The following PCBP3 variants were observed in gnomAD, a reference collection of about 807,000 sequenced individuals.
PCBP3 encodes the protein poly(rC) binding protein 3, also known as poly(rC)-binding protein 3.
PCBP3 carries 25 observed loss-of-function variants against 52.7 expected under a neutral mutation model. That is an observed-to-expected ratio of 0.47 (90% CI 0.35 to 0.66). The LOEUF (loss-of-function observed/expected upper bound fraction) is 0.66, where lower values mean the gene tolerates loss of function less well. Among genes scored for constraint, PCBP3 ranks in the 30% least tolerant of loss-of-function variants. PCBP3 has a pLI of 0.01. For missense variants in PCBP3, 391 were observed against 490.3 expected (o/e 0.80, Z 1.91); for synonymous variants, 162 against 183.0 (o/e 0.89, Z 0.93).
chr21:45,845,579 CGT>C (rs888485410), intron 4 of PCBP3, among the ~76,000 whole-genome samples: 2 of 131,896 alleles, frequency 1.5e-5, no homozygotes, highest in Non-Finnish European at 3.2e-5. Flanking sequence ...CGTGTGCACA[CGT>C]GTGAGTGTGT....
chr21:45,707,465 G>A (rs2083528575), intron 2 of PCBP3, among the ~76,000 whole-genome samples: 1 of 152,162 alleles, frequency 6.6e-6, no homozygotes, highest in Non-Finnish European at 1.5e-5. Context: ...GCAGTGAGCT[G>A]AGATCATGCC....
intron 14 of PCBP3, among the ~76,000 whole-genome samples, 171 bp from the exon 15 acceptor site, chr21:45,930,615 G>A (rs772191070): frequency 7.2e-5 from 11 of 152,038 alleles, no homozygotes; most frequent in Non-Finnish European, 1.0e-4. Context: ...TCCCCCTGGC[G>A]TGCCTGGCAG....
chr21:45,873,032 C>T (rs545268476), intron 5 of PCBP3: 70 of 152,250 alleles, frequency 4.6e-4, no homozygotes, highest in African/African-American at 1.6e-3. Flanking sequence ...TGGGTGGCAC[C>T]GAGTGGCTTT....
At position 45,694,909 on chromosome 21, in the gene PCBP3, C is replaced by T. The variant is rs146998801; in HGVS notation, c.-200+25957C>T. On this transcript the variant is annotated intron_variant, in intron 2 of 17. Coordinates refer to ENST00000681687, the MANE Select transcript of PCBP3 (RefSeq NM_001384156.1). ...ACTGCTCTTTGAAACTAAAACACCA[C>T]GATCGAAATTTCAGCAATTTGTTTT... 4.7e-4 allele frequency among the ~76,000 whole-genome samples: 72 copies of T among 152,242 alleles called. 1 individual carries two copies. The East Asian group carries it at 0.011, about 24-fold the overall frequency.
At chr21:45,756,174 G>T (rs2146449446) in intron 4 of PCBP3, among the ~76,000 whole-genome samples, 1 of 152,218 alleles carries the variant, frequency 6.6e-6, no homozygotes, top group South Asian at 2.1e-4. Context: ...ACATTTCTTT[G>T]AGCATTGTTT....
chr21:45,935,113 C>T (rs2034238653), intron 15 of PCBP3, 140 bp from the exon 16 acceptor site: 1 of 622,540 alleles, frequency 1.6e-6, no homozygotes, highest in South Asian at 1.9e-5. Flanking sequence ...GGTCCTGGCC[C>T]TCTGGGCTGT....
chr21:45,844,368 T>G (rs573761687), intron 4 of PCBP3, among the ~76,000 whole-genome samples: 1 of 152,192 alleles, frequency 6.6e-6, no homozygotes, highest in African/African-American at 2.4e-5. Flanking sequence ...TGGGTGGTGC[T>G]GCCCTGCCCT....
intron 2 of PCBP3, among the ~76,000 whole-genome samples, chr21:45,694,789 C>A (rs528566730): frequency 1.3e-5 from 2 of 152,186 alleles, no homozygotes; most frequent in Admixed American, 6.5e-5. Flanking sequence ...AACAGAATAT[C>A]ATTGAGAAAA....
chr21:45,923,044 C>CA (rs750396337), intron 13 of PCBP3, among the ~76,000 whole-genome samples: 3 of 152,276 alleles, frequency 2.0e-5, no homozygotes, highest in Non-Finnish European at 2.9e-5. Context: ...CCCTTCATCC[C>CA]AGCTGTGCAA....
Position 45,928,396 on chromosome 21 carries a change from C to A in PCBP3, c.718-1521C>A, listed in dbSNP as rs1346764826. On this transcript the variant is annotated intron_variant, in intron 13 of 17. Coordinates refer to ENST00000681687, the MANE Select transcript of PCBP3 (RefSeq NM_001384156.1). The surrounding 1 kb of genome is among the most constrained non-coding windows in gnomAD (Gnocchi z 4.1). Reference sequence around the variant, plus strand: ...GGGAGGGGCAGGGCTGGGGAGCAGGCCCCCCGATCCTCCCAGGGTACTAGG... The same window carrying A: ...GGGAGGGGCAGGGCTGGGGAGCAGGACCCCCGATCCTCCCAGGGTACTAGG... Among the ~76,000 whole-genome samples, 1 of 152,174 alleles carries A rather than the reference C, an allele frequency of 6.6e-6. No homozygotes were observed. The highest frequency in any genetic ancestry group is 2.4e-5 in the African/African-American group (1 of 41,450).
In PCBP3 at chr21:45,795,460, A is replaced by G. The variant is rs566903431; in HGVS notation, c.-126+40008A>G. 1.9e-3 allele frequency among the ~76,000 whole-genome samples: 287 copies of G among 152,278 alleles called. 1 individual carries two copies. The highest frequency in any genetic ancestry group is 0.017 in the Middle Eastern group (5 of 294). On this transcript the variant is annotated intron_variant, in intron 4 of 17. Transcript: ENST00000681687. ...AAATCATAAAGTGCAGTAAAAGTGG[A>G]AAAAAACACAAAATGATAGCCAAAA...
intron 13 of PCBP3, among the ~76,000 whole-genome samples, chr21:45,929,581 C>T (rs1006733401): frequency 6.6e-6 from 1 of 152,252 alleles, no homozygotes; most frequent in African/African-American, 2.4e-5. Context: ...CCTGGACTCC[C>T]CCAGACTCTC....
rs1414371391 is a variant in PCBP3 at position 45,834,724 on chromosome 21, AG to A, written c.-125-15232del. Among the ~76,000 whole-genome samples the A allele has an allele frequency of 2.6e-5, 4 of 152,360 alleles. No homozygotes were observed. The East Asian group carries it at 7.7e-4, about 29-fold the overall frequency. On this transcript the variant is annotated intron_variant, in intron 4 of 17. Transcript: ENST00000681687. ...CTGAAAAATCAGAGGCGTCTCTCAGAGGGGGCCCACGAGGGAGGTGGTATGA... is the reference window on the plus strand; with the variant it reads ...CTGAAAAATCAGAGGCGTCTCTCAGAGGGGCCCACGAGGGAGGTGGTATGA...
intron 5 of PCBP3, among the ~76,000 whole-genome samples, chr21:45,889,043 C>A (rs1472049342): frequency 6.6e-6 from 1 of 152,212 alleles, no homozygotes; most frequent in African/African-American, 2.4e-5. Flanking sequence ...ACCACTTTGC[C>A]ATAAGCAAGT....
At chr21:45,667,558 C>T (rs2147207383) in intron 1 of PCBP3, among the ~76,000 whole-genome samples, 2 of 152,148 alleles carry the variant, frequency 1.3e-5, no homozygotes, top group African/African-American at 4.8e-5. Context: ...TTGATATCTG[C>T]TTGGTGAAAC....
chr21:45,718,365 G>A (rs1244962729), intron 2 of PCBP3, among the ~76,000 whole-genome samples: 1 of 151,216 alleles, frequency 6.6e-6, no homozygotes, highest in Non-Finnish European at 1.5e-5. Context: ...CCTTCCTTCT[G>A]CTTGCTTTGG....
intron 1 of PCBP3, among the ~76,000 whole-genome samples, chr21:45,659,283 A>G (rs942921494): frequency 1.5e-4 from 22 of 150,142 alleles, no homozygotes; most frequent in African/African-American, 5.4e-4. Context: ...TTTTGTAAGA[A>G]CTGCTTTTAC....
At position 45,656,496 on chromosome 21, in the gene PCBP3, G is replaced by A. The variant is rs973825405; in HGVS notation, c.-278-12378G>A. 6.6e-6 allele frequency among the ~76,000 whole-genome samples: 1 copy of A among 152,086 alleles called. No homozygotes were observed. Among genetic ancestry groups the A allele is most frequent in the African/African-American group, 2.4e-5 (1 of 41,366 alleles). ...CATCATACACCAGGGCCTGTCGGTGGTGGGGGCCTAGGGGAGGGATAGCAT... is the reference window on the plus strand; with the variant it reads ...CATCATACACCAGGGCCTGTCGGTGATGGGGGCCTAGGGGAGGGATAGCAT... On this transcript the variant is annotated intron_variant, in intron 1 of 17. Transcript: ENST00000681687. This position sits in a 1 kb window ranked among gnomAD's most constrained non-coding sequence, Gnocchi z 4.3.
intron 1 of PCBP3, among the ~76,000 whole-genome samples, chr21:45,654,415 A>C (rs576632755): frequency 7.1e-6 from 1 of 140,216 alleles, no homozygotes; most frequent in East Asian, 2.1e-4. Context: ...ATCTCAGCTC[A>C]CTGCAGCCTC....
Sources: gnomAD v4.1 joint callset for allele counts (sites outside exome capture counted in the v4.1 genomes callset) on GRCh38, gnomAD v4.1.1 for gene constraint, Gnocchi (gnomAD v3.1) non-coding constraint, MANE v1.5 for transcripts, NCBI Gene and HGNC (gene_info 2026-07-23, HGNC 2026-07-21) for gene names.